PRR16: variants seen among roughly 807,000 people sequenced by gnomAD.
PRR16 encodes protein Largen.
A neutral mutation model predicts 18.2 loss-of-function variants in PRR16; 6 were observed. The observed-to-expected ratio is 0.33, with a 90% CI of 0.18 to 0.65. PRR16 has a LOEUF of 0.65. Ranked by LOEUF, PRR16 falls within the 30% of genes least tolerant of loss-of-function variation. The pLI is 0.74. For missense variants in PRR16, 412 were observed against 376.6 expected (o/e 1.09, Z -0.78); for synonymous variants, 151 against 147.8 (o/e 1.02, Z -0.16).
intron 1 of PRR16, among the ~76,000 whole-genome samples, chr5:120,611,970 C>T (rs542935413): frequency 3.9e-5 from 6 of 152,182 alleles, no homozygotes; most frequent in Middle Eastern, 3.4e-3. Context: ...GCCATGGGGG[C>T]GGAGCTGCCC....
At chr5:120,527,682 C>G (rs1220805173) in intron 1 of PRR16, among the ~76,000 whole-genome samples, 1 of 152,228 alleles carries the variant, frequency 6.6e-6, no homozygotes, top group Non-Finnish European at 1.5e-5. Flanking sequence ...GGATCTACAA[C>G]TGAATTTCCT....
chr5:120,651,594 C>T (rs1419416461), intron 1 of PRR16, among the ~76,000 whole-genome samples: 8 of 152,108 alleles, frequency 5.3e-5, no homozygotes, highest in Non-Finnish European at 1.2e-4. Context: ...GAATCATTTC[C>T]CCATTTCTTG....
intron 1 of PRR16, among the ~76,000 whole-genome samples, chr5:120,486,901 G>C (rs199813222): frequency 6.4e-3 from 747 of 116,566 alleles, no homozygotes; most frequent in South Asian, 8.5e-3. Flanking sequence ...TATTAAATAG[G>C]GAATCCTTTC....
intron 1 of PRR16, among the ~76,000 whole-genome samples, chr5:120,615,971 A>G (rs950838106): frequency 5.3e-5 from 8 of 152,156 alleles, no homozygotes; most frequent in African/African-American, 1.9e-4. Flanking sequence ...TCTTTACTAA[A>G]TATTCAAGTT....
intron 1 of PRR16, among the ~76,000 whole-genome samples, chr5:120,588,944 C>A (rs974311449): frequency 2.0e-5 from 3 of 151,932 alleles, no homozygotes; most frequent in African/African-American, 7.3e-5. Flanking sequence ...TATACTAAAG[C>A]CCAGTTCTAC....
chr5:120,753,974 A>C, the PRR16 span, among the ~76,000 whole-genome samples: 1 of 121,598 alleles, frequency 8.2e-6, no homozygotes, highest in African/African-American at 3.3e-5. Context: ...TATATGTTAT[A>C]TAATATAATA....
intron 1 of PRR16, among the ~76,000 whole-genome samples, chr5:120,476,652 A>G (rs1270408770): frequency 1.3e-5 from 2 of 152,058 alleles, no homozygotes; most frequent in Admixed American, 6.6e-5. Flanking sequence ...CAAGAACATC[A>G]TGAACAATCC....
At chr5:120,681,524 G>A (rs762492886) in intron 1 of PRR16, among the ~76,000 whole-genome samples, 3 of 151,950 alleles carry the variant, frequency 2.0e-5, no homozygotes, top group Non-Finnish European at 4.4e-5. Flanking sequence ...ATTATGTTTT[G>A]TAATCAATGC....
At chr5:120,651,286 C>G (rs1171117344) in intron 1 of PRR16, among the ~76,000 whole-genome samples, 2 of 152,120 alleles carry the variant, frequency 1.3e-5, no homozygotes, top group South Asian at 2.1e-4. Flanking sequence ...GTTGCCTGTT[C>G]ACTCTGATGG....
At chr5:120,595,257 C>G (rs1753762605) in intron 1 of PRR16, among the ~76,000 whole-genome samples, 3 of 151,788 alleles carry the variant, frequency 2.0e-5, no homozygotes, top group Admixed American at 2.0e-4. Context: ...ATCAAACAAT[C>G]TCATTAAAAA....
At chr5:120,516,841 C>A (rs2112645305) in intron 1 of PRR16, among the ~76,000 whole-genome samples, 1 of 152,240 alleles carries the variant, frequency 6.6e-6, no homozygotes, top group East Asian at 1.9e-4. Context: ...GGTTTCAGAA[C>A]CTGCTGCTTT....
intron 1 of PRR16, among the ~76,000 whole-genome samples, chr5:120,629,887 G>A (rs558058596): frequency 3.4e-5 from 5 of 145,584 alleles, no homozygotes; most frequent in South Asian, 2.2e-4. Flanking sequence ...TGTTGCTTTC[G>A]AGAAGTCTAA....
intron 1 of PRR16, among the ~76,000 whole-genome samples, chr5:120,523,541 A>G (rs1331104355): frequency 6.6e-6 from 1 of 152,116 alleles, no homozygotes; most frequent in East Asian, 1.9e-4. Context: ...TGTTTGTTTT[A>G]TCCTTAAGTT....
the PRR16 span, among the ~76,000 whole-genome samples, chr5:120,693,452 T>C: frequency 3.3e-5 from 5 of 152,342 alleles, no homozygotes; most frequent in East Asian, 7.7e-4. Context: ...AGTTCTTTCC[T>C]AGACAGCAAT....
At chr5:120,661,816 C>T (rs1447649485) in intron 1 of PRR16, among the ~76,000 whole-genome samples, 1 of 152,014 alleles carries the variant, frequency 6.6e-6, no homozygotes, top group Non-Finnish European at 1.5e-5. Context: ...AATTCCCCAA[C>T]CATTGTTTTA....
chr5:120,525,727 G>A (rs1474194640), intron 1 of PRR16, among the ~76,000 whole-genome samples: 1 of 151,168 alleles, frequency 6.6e-6, no homozygotes, highest in African/African-American at 2.4e-5. Context: ...GGACACACAT[G>A]AAACAGGTAA....
intron 1 of PRR16, among the ~76,000 whole-genome samples, chr5:120,609,900 T>G (rs1174000004): frequency 6.6e-6 from 1 of 152,172 alleles, no homozygotes; most frequent in Non-Finnish European, 1.5e-5. Flanking sequence ...CACTTAGCTT[T>G]CCAAATTCTC....
intron 1 of PRR16, among the ~76,000 whole-genome samples, chr5:120,486,968 A>G (rs1256306003): frequency 6.6e-6 from 1 of 152,032 alleles, no homozygotes. Flanking sequence ...GATATGTGGC[A>G]TTATTTCTGA....
chr5:120,682,253 T>C (rs1361724267), intron 1 of PRR16, among the ~76,000 whole-genome samples: 1 of 152,162 alleles, frequency 6.6e-6, no homozygotes, highest in Non-Finnish European at 1.5e-5. Flanking sequence ...CTCCAACTCA[T>C]CCTTACAGAA....
Sources: gnomAD v4.1 joint callset for allele counts (sites outside exome capture counted in the v4.1 genomes callset) on GRCh38, gnomAD v4.1.1 for gene constraint, MANE v1.5 for transcripts, NCBI Gene and HGNC (gene_info 2026-07-23, HGNC 2026-07-21) for gene names.